The following CADPS2 variants were observed in gnomAD, a reference collection of about 807,000 sequenced individuals.
CADPS2 encodes calcium-dependent secretion activator 2.
In CADPS2, 93 loss-of-function variants were observed where a neutral mutation model predicts 172.5. The ratio of observed to expected loss-of-function variants is 0.54; its 90% CI spans 0.46 to 0.64. The LOEUF (loss-of-function observed/expected upper bound fraction) is 0.64. CADPS2 is among the 30% of genes least tolerant of loss of function. The pLI is 0.00. For missense variants in CADPS2, 1,420 were observed against 1,565.9 expected (o/e 0.91, Z 1.57); for synonymous variants, 546 against 555.2 (o/e 0.98, Z 0.23).
At chr7:122,441,220 C>T (rs1422736236) in intron 16 of CADPS2, among the ~76,000 whole-genome samples, 1 of 151,436 alleles carries the variant, frequency 6.6e-6, no homozygotes, top group Non-Finnish European at 1.5e-5. Context: ...TTATTCTTAA[C>T]TGAAAAAAAA....
chr7:122,669,099 G>A (rs1258971640), intron 2 of CADPS2, among the ~76,000 whole-genome samples: 1 of 152,112 alleles, frequency 6.6e-6, no homozygotes, highest in East Asian at 1.9e-4. Flanking sequence ...GGGAGGCCAA[G>A]GTAAGCAGAT....
chr7:122,591,660 C>T lies in CADPS2; in HGVS notation c.1224-10370G>A, dbSNP rs1399471522. On this transcript the variant is annotated intron_variant, in intron 6 of 29. Coordinates refer to ENST00000449022, the MANE Select transcript of CADPS2 (RefSeq NM_017954.11). ...AGAGATATAGACCAATGGAACAGAACAGAACCCTCAGAAATAATACCACAC... is the reference window on the plus strand; with the variant it reads ...AGAGATATAGACCAATGGAACAGAATAGAACCCTCAGAAATAATACCACAC... Among the ~76,000 whole-genome samples, 6 of 152,032 alleles carry T rather than the reference C, an allele frequency of 3.9e-5. No individual in the cohort carries two copies. The East Asian group carries it at 9.7e-4, about 25-fold the overall frequency.
intron 27 of CADPS2, among the ~76,000 whole-genome samples, chr7:122,359,344 G>A (rs1224410226): frequency 6.6e-6 from 1 of 152,072 alleles, no homozygotes; most frequent in African/African-American, 2.4e-5. Context: ...TGTAACCACT[G>A]AAATAATTAA....
intron 3 of CADPS2, among the ~76,000 whole-genome samples, chr7:122,637,103 G>A (rs1408447690): frequency 6.9e-6 from 1 of 145,224 alleles, no homozygotes; most frequent in Non-Finnish European, 1.5e-5. Context: ...TTGTCTTTAA[G>A]CTCTGAAATT....
chr7:122,415,536 G>C (rs1426053404), intron 18 of CADPS2, among the ~76,000 whole-genome samples: 1 of 147,636 alleles, frequency 6.8e-6, no homozygotes, highest in Non-Finnish European at 1.5e-5. Flanking sequence ...GAGAGAAATA[G>C]AGTGAGATTT....
At chr7:122,849,387 G>A (rs1479913604) in intron 1 of CADPS2, among the ~76,000 whole-genome samples, 1 of 151,886 alleles carries the variant, frequency 6.6e-6, no homozygotes, top group Non-Finnish European at 1.5e-5. Context: ...ATATTCTTAG[G>A]GCATAGAAGA....
rs1176450175 is a variant in CADPS2 at position 122,581,096 on chromosome 7, A to G, written c.1335+83T>C. On this transcript the variant is annotated intron_variant, in intron 7 of 29. Coordinates refer to ENST00000449022, the MANE Select transcript of CADPS2 (RefSeq NM_017954.11). ...TAATTTATGAACATAAAGTTCACAT[A>G]TGGCATACTGATCTACCTTAATCAT... 1.8e-5 allele frequency: 17 copies of G among 920,642 alleles called. No individual in the cohort carries two copies. The African/African-American group carries it at 2.5e-4, about 13-fold the overall frequency. 57.0% of individuals were successfully genotyped at this position (920,642 alleles called of 1,614,324 possible).
At chr7:122,722,974 T>C (rs10046586) in intron 2 of CADPS2, among the ~76,000 whole-genome samples, 7,432 of 151,970 alleles carry the variant, frequency 0.049, 240 homozygotes, top group African/African-American at 0.051. Context: ...ACTGGCTAGC[T>C]ATATGTAGAC....
intron 8 of CADPS2, among the ~76,000 whole-genome samples, chr7:122,531,604 G>GT (rs1198718011): frequency 6.6e-6 from 1 of 152,100 alleles, no homozygotes; most frequent in Non-Finnish European, 1.5e-5. Context: ...GTCTCAATCA[G>GT]TTTTTTCTAA....
chr7:122,723,900 C>G (rs1032209036), intron 2 of CADPS2, among the ~76,000 whole-genome samples: 11 of 151,894 alleles, frequency 7.2e-5, no homozygotes, highest in Non-Finnish European at 1.3e-4. Flanking sequence ...AAGCTGGAAA[C>G]CATCATTCTC....
At chr7:122,702,373 C>A in intron 2 of CADPS2, 1 of 1,613,774 alleles carries the variant, frequency 6.2e-7, no homozygotes, top group Non-Finnish European at 8.5e-7. Flanking sequence ...AGATGATCAC[C>A]CCATTTGCTC....
chr7:122,771,260 T>C (rs2093696393), intron 1 of CADPS2, among the ~76,000 whole-genome samples: 1 of 152,202 alleles, frequency 6.6e-6, no homozygotes, highest in Non-Finnish European at 1.5e-5. Context: ...GAAGGATTTA[T>C]AATGCTTTGT....
chr7:122,869,340 C>T (rs1819137553), intron 1 of CADPS2, among the ~76,000 whole-genome samples: 2 of 152,038 alleles, frequency 1.3e-5, no homozygotes, highest in African/African-American at 2.4e-5. Context: ...AAGAAAGTGA[C>T]TTGTTACATA....
intron 3 of CADPS2, among the ~76,000 whole-genome samples, chr7:122,654,828 C>T (rs1284351720): frequency 6.6e-6 from 1 of 152,106 alleles, no homozygotes; most frequent in Non-Finnish European, 1.5e-5. Context: ...TGGATTAGAG[C>T]AAAGTAAATG....
intron 8 of CADPS2, among the ~76,000 whole-genome samples, chr7:122,521,079 GA>G (rs906906731): frequency 1.5e-4 from 23 of 150,930 alleles, no homozygotes; most frequent in African/African-American, 5.1e-4. Flanking sequence ...AATACAGAAA[GA>G]AAAAAAAATC....
rs1292857499 is a variant in CADPS2, at chr7:122,510,667, G to A, written c.1542+2582C>T. Among the ~76,000 whole-genome samples the A allele has an allele frequency of 2.6e-5, 4 of 152,122 alleles. No homozygotes were observed. In the East Asian group the frequency reaches 7.7e-4, roughly 29 times the overall value. Reference sequence around the variant, plus strand: ...CCGATGGCAGCGGCAGACACAGCAGGGGTATACTGTCCTCCCTGTGAAAAC... The same window carrying A: ...CCGATGGCAGCGGCAGACACAGCAGAGGTATACTGTCCTCCCTGTGAAAAC... On this transcript the variant is annotated intron_variant, in intron 9 of 29. Coordinates refer to ENST00000449022, the MANE Select transcript of CADPS2 (RefSeq NM_017954.11).
chr7:122,442,896 C>A (rs2151971194), intron 15 of CADPS2, among the ~76,000 whole-genome samples: 1 of 152,252 alleles, frequency 6.6e-6, no homozygotes, highest in South Asian at 2.1e-4. Context: ...CACAAGAAAG[C>A]CATAACCAAT....
intron 1 of CADPS2, among the ~76,000 whole-genome samples, chr7:122,742,231 A>C (rs2092521143): frequency 6.6e-6 from 1 of 151,746 alleles, no homozygotes; most frequent in Non-Finnish European, 1.5e-5. Flanking sequence ...TCTCTACTAA[A>C]AAAAAATACA....
chr7:122,463,993 A>G (rs1017807207), intron 14 of CADPS2, among the ~76,000 whole-genome samples: 12 of 152,206 alleles, frequency 7.9e-5, no homozygotes. Context: ...TCCAACTGAG[A>G]GGGCCTGGAA....
Sources: gnomAD v4.1 joint callset for allele counts (sites outside exome capture counted in the v4.1 genomes callset) on GRCh38, gnomAD v4.1.1 for gene constraint, MANE v1.5 for transcripts, NCBI Gene and HGNC (gene_info 2026-07-23, HGNC 2026-07-21) for gene names.